The following HSD17B12 variants were observed in gnomAD, a reference collection of about 807,000 sequenced individuals.
HSD17B12 encodes the protein very-long-chain 3-oxoacyl-CoA reductase.
Under a neutral mutation model 39.3 loss-of-function variants are expected in HSD17B12, and 32 were observed. That is an observed-to-expected ratio of 0.81 (90% confidence interval 0.61 to 1.09). HSD17B12 has a LOEUF of 1.09. HSD17B12 is among the 50% of genes least tolerant of loss of function. The pLI is 0.00. For synonymous variants in HSD17B12, 150 were observed against 146.7 expected, an observed-to-expected ratio of 1.02 and a Z score of -0.16; for missense variants, 342 against 382.9, an observed-to-expected ratio of 0.89 and a Z score of 0.89.
intron 7 of HSD17B12, among the ~76,000 whole-genome samples, chr11:43,832,809 C>A (rs1178005092): frequency 1.3e-5 from 2 of 152,080 alleles, no homozygotes; most frequent in Admixed American, 6.5e-5. Context: ...GTGGGTGAAT[C>A]ACTTGAGGCC....
the HSD17B12 span, among the ~76,000 whole-genome samples, chr11:43,627,711 A>G: frequency 6.6e-6 from 1 of 152,028 alleles, no homozygotes; most frequent in African/African-American, 2.4e-5. Context: ...CCTCTTATAA[A>G]AAAATTTAAT....
At chr11:43,637,874 G>A in the HSD17B12 span, among the ~76,000 whole-genome samples, 3 of 152,102 alleles carry the variant, frequency 2.0e-5, no homozygotes, top group Non-Finnish European at 2.9e-5. Context: ...TGGATGGGGA[G>A]GGGTTATATT....
At chr11:43,613,391 CAA>C in the HSD17B12 span, among the ~76,000 whole-genome samples, 1 of 138,118 alleles carries the variant, frequency 7.2e-6, no homozygotes, top group Non-Finnish European at 1.6e-5. Flanking sequence ...AACTCTGTCT[CAA>C]AAAAAAAAAC....
chr11:43,669,734 A>G, the HSD17B12 span, among the ~76,000 whole-genome samples: 1 of 152,024 alleles, frequency 6.6e-6, no homozygotes, highest in Non-Finnish European at 1.5e-5. Flanking sequence ...TGTTTCTCTA[A>G]ATCTCTCTCT....
At chr11:43,572,080 T>C in the HSD17B12 span, among the ~76,000 whole-genome samples, 1 of 152,180 alleles carries the variant, frequency 6.6e-6, no homozygotes, top group African/African-American at 2.4e-5. Context: ...AAAGGTTTCT[T>C]GGAAGACTGG....
At chr11:43,747,032 T>C (rs1040070983) in intron 1 of HSD17B12, among the ~76,000 whole-genome samples, 1 of 152,172 alleles carries the variant, frequency 6.6e-6, no homozygotes, top group Non-Finnish European at 1.5e-5. Flanking sequence ...TAGGTGTTAG[T>C]GTAGGAAAGT....
At chr11:43,765,844 C>CT (rs1213239093) in intron 3 of HSD17B12, among the ~76,000 whole-genome samples, 4 of 152,162 alleles carry the variant, frequency 2.6e-5, no homozygotes, top group East Asian at 1.9e-4. Flanking sequence ...TACACCTTTT[C>CT]TTTTTTTGAG....
At chr11:43,700,939 T>A (rs1179211614) in intron 1 of HSD17B12, among the ~76,000 whole-genome samples, 1 of 152,218 alleles carries the variant, frequency 6.6e-6, no homozygotes, top group Non-Finnish European at 1.5e-5. Context: ...TGTACTAATT[T>A]ACATTCCCAC....
chr11:43,654,861 A>G, the HSD17B12 span, among the ~76,000 whole-genome samples: 1 of 152,136 alleles, frequency 6.6e-6, no homozygotes, highest in African/African-American at 2.4e-5. Flanking sequence ...TTGGCTTAGG[A>G]TTGACTTGGC....
chr11:43,821,494 A>G (rs1272102571), intron 6 of HSD17B12, among the ~76,000 whole-genome samples: 2 of 152,252 alleles, frequency 1.3e-5, no homozygotes, highest in African/African-American at 4.8e-5. Flanking sequence ...CTCATCAAGA[A>G]CAATGACCTT....
chr11:43,766,083 C>T (rs1950592713), intron 3 of HSD17B12, among the ~76,000 whole-genome samples: 1 of 152,226 alleles, frequency 6.6e-6, no homozygotes, highest in African/African-American at 2.4e-5. Flanking sequence ...CCTCGGCCTC[C>T]CAAAATGCTG....
intron 6 of HSD17B12, among the ~76,000 whole-genome samples, chr11:43,825,711 TAC>T (rs773249583): frequency 6.6e-6 from 1 of 152,240 alleles, no homozygotes; most frequent in African/African-American, 2.4e-5. Flanking sequence ...AATTATTGGA[TAC>T]ATTTAGTCCT....
At chr11:43,632,227 T>C in the HSD17B12 span, among the ~76,000 whole-genome samples, 1 of 152,200 alleles carries the variant, frequency 6.6e-6, no homozygotes, top group Non-Finnish European at 1.5e-5. Flanking sequence ...ACTTCTCTTG[T>C]CTTCATCTAT....
chr11:43,746,703 C>T (rs1015292057), intron 1 of HSD17B12, among the ~76,000 whole-genome samples: 1 of 152,078 alleles, frequency 6.6e-6, no homozygotes, highest in Non-Finnish European at 1.5e-5. Flanking sequence ...CATTATCGAG[C>T]ACTATATGTT....
chr11:43,583,972 CTG>C, the HSD17B12 span, among the ~76,000 whole-genome samples: 1 of 152,110 alleles, frequency 6.6e-6, no homozygotes, highest in Non-Finnish European at 1.5e-5. Flanking sequence ...CAGGGGTTAT[CTG>C]TGGAGCTAGG....
the HSD17B12 span, among the ~76,000 whole-genome samples, chr11:43,574,535 T>C: frequency 6.6e-6 from 1 of 152,188 alleles, no homozygotes; most frequent in South Asian, 2.1e-4. Flanking sequence ...GCAAGAATTC[T>C]CCCCACCTCC....
intron 1 of HSD17B12, among the ~76,000 whole-genome samples, chr11:43,690,386 A>ATTTT (rs1565049669): frequency 7.8e-4 from 8 of 10,308 alleles, no homozygotes; most frequent in African/African-American, 1.8e-3. Context: ...ATATATATAT[A>ATTTT]TATATATATA....
chr11:43,607,914 G>A, the HSD17B12 span, among the ~76,000 whole-genome samples: 3 of 152,170 alleles, frequency 2.0e-5, no homozygotes, highest in South Asian at 6.2e-4. Flanking sequence ...ACAGCACCCT[G>A]ATCTGAGACT....
chr11:43,738,005 G>A (rs1288568917), intron 1 of HSD17B12, among the ~76,000 whole-genome samples: 1 of 150,950 alleles, frequency 6.6e-6, no homozygotes, highest in East Asian at 1.9e-4. Context: ...CCCGGCAGGC[G>A]GAGCTTGCAG....
Sources: gnomAD v4.1 joint callset for allele counts (sites outside exome capture counted in the v4.1 genomes callset) on GRCh38, gnomAD v4.1.1 for gene constraint, MANE v1.5 for transcripts, NCBI Gene and HGNC (gene_info 2026-07-23, HGNC 2026-07-21) for gene names.